The following CDC42BPA variants were observed in gnomAD, a reference collection of about 807,000 sequenced individuals.
CDC42BPA encodes CDC42 binding protein kinase alpha.
CDC42BPA carries 80 observed loss-of-function variants against 223.5 expected under a neutral mutation model. That is an observed-to-expected ratio of 0.36 (90% confidence interval 0.30 to 0.43). CDC42BPA has a LOEUF of 0.43. Among genes scored for constraint, CDC42BPA ranks in the 20% least tolerant of loss-of-function variants. The probability of loss-of-function intolerance (pLI) is 1.00; values close to 1 mark genes in which losing one functional copy is unlikely to be tolerated. For missense variants in CDC42BPA, 1,743 were observed against 2,099.9 expected, an observed-to-expected ratio of 0.83 and a Z score of 3.32; for synonymous variants, 694 against 718.6, an observed-to-expected ratio of 0.97 and a Z score of 0.55.
At chr1:227,056,580 C>A (rs1339412502) in intron 21 of CDC42BPA, among the ~76,000 whole-genome samples, 1 of 151,886 alleles carries the variant, frequency 6.6e-6, no homozygotes, top group Non-Finnish European at 1.5e-5. Flanking sequence ...TTTGTAGAGG[C>A]AGGGTCTCCC....
chr1:227,182,511 A>C (rs2150050960), intron 5 of CDC42BPA, among the ~76,000 whole-genome samples: 1 of 152,352 alleles, frequency 6.6e-6, no homozygotes, highest in Admixed American at 6.5e-5. Flanking sequence ...AAATTGAAAA[A>C]TAGTTCAATG....
chr1:227,120,414 G>C (rs1019760434), intron 11 of CDC42BPA, among the ~76,000 whole-genome samples: 1 of 152,070 alleles, frequency 6.6e-6, no homozygotes, highest in Non-Finnish European at 1.5e-5. Flanking sequence ...GATTTCTAAA[G>C]AGCAAATATC....
At chr1:227,016,243 T>C in intron 33 of CDC42BPA, 46 bp from the exon 34 acceptor site, 1 of 962,354 alleles carries the variant, frequency 1.0e-6, no homozygotes, top group East Asian at 2.4e-5. Flanking sequence ...ACAGTTAATT[T>C]ATGTAGCTTA....
At chr1:227,023,736 G>A (rs533319824) in intron 31 of CDC42BPA, among the ~76,000 whole-genome samples, 21 of 152,172 alleles carry the variant, frequency 1.4e-4, no homozygotes, top group Non-Finnish European at 2.8e-4. Flanking sequence ...GTAGATCACT[G>A]GGGAAAGGAG....
intron 34 of CDC42BPA, among the ~76,000 whole-genome samples, chr1:227,015,704 G>A (rs1666081922): frequency 6.6e-6 from 1 of 151,644 alleles, no homozygotes; most frequent in Non-Finnish European, 1.5e-5. Context: ...AAAAAGAGTA[G>A]GCCAAATATC....
intron 21 of CDC42BPA, among the ~76,000 whole-genome samples, chr1:227,067,546 T>C (rs566176972): frequency 6.6e-6 from 1 of 152,324 alleles, no homozygotes; most frequent in African/African-American, 2.4e-5. Flanking sequence ...AGCAGCAGAT[T>C]ATAACATGCA....
chr1:227,227,256 A>T (rs1441339950), intron 2 of CDC42BPA, among the ~76,000 whole-genome samples: 1 of 152,136 alleles, frequency 6.6e-6, no homozygotes, highest in African/African-American at 2.4e-5. Flanking sequence ...AACAGCTACT[A>T]AAAAAATCTA....
intron 30 of CDC42BPA, among the ~76,000 whole-genome samples, chr1:227,027,577 C>T (rs893757339): frequency 3.9e-5 from 6 of 152,008 alleles, no homozygotes; most frequent in Non-Finnish European, 4.4e-5. Flanking sequence ...AAGTATTTTT[C>T]ATTAAAAACA....
chr1:227,218,726 T>C (rs1336015792), intron 2 of CDC42BPA, among the ~76,000 whole-genome samples: 2 of 152,220 alleles, frequency 1.3e-5, no homozygotes, highest in Non-Finnish European at 2.9e-5. Context: ...CTGATACCTA[T>C]TGACACATGT....
intron 21 of CDC42BPA, among the ~76,000 whole-genome samples, chr1:227,062,253 C>A (rs117137083): frequency 5.9e-5 from 9 of 152,278 alleles, no homozygotes; most frequent in East Asian, 1.9e-4. Context: ...TCCCTCCCCC[C>A]GCAAGTTCGC....
At chr1:227,308,509 C>CAAAA (rs34849679) in intron 1 of CDC42BPA, among the ~76,000 whole-genome samples, 20 of 89,724 alleles carry the variant, frequency 2.2e-4, no homozygotes, top group East Asian at 6.5e-4. Flanking sequence ...GACTGTATCT[C>CAAAA]AAAAAAAAAA....
chr1:227,154,455 GATTT>G (rs1461781309), intron 6 of CDC42BPA, among the ~76,000 whole-genome samples: 4 of 151,846 alleles, frequency 2.6e-5, no homozygotes, highest in African/African-American at 7.2e-5. Flanking sequence ...CGGATTACAT[GATTT>G]ATTATATGAA....
At chr1:227,240,659 A>G (rs1011585616) in intron 2 of CDC42BPA, among the ~76,000 whole-genome samples, 4 of 151,534 alleles carry the variant, frequency 2.6e-5, no homozygotes, top group African/African-American at 9.7e-5. Context: ...CAGCCTTTTC[A>G]ACAAATGGTG....
At chr1:227,017,425 A>G (rs960930549) in intron 32 of CDC42BPA, among the ~76,000 whole-genome samples, 4 of 151,730 alleles carry the variant, frequency 2.6e-5, no homozygotes, top group African/African-American at 9.7e-5. Context: ...GGGTGTTGTT[A>G]AAGAGCTACT....
chr1:227,127,714 G>C (rs1052216291), intron 11 of CDC42BPA, among the ~76,000 whole-genome samples: 1 of 152,136 alleles, frequency 6.6e-6, no homozygotes, highest in Non-Finnish European at 1.5e-5. Flanking sequence ...ACAGAGATTA[G>C]ATATATAGAT....
chr1:227,074,869 T>A lies in CDC42BPA; in HGVS notation c.2481-505A>T, dbSNP rs150636707. ...CTGTTTTCTGAAATGATCAATAAAA[T>A]AACAAAGAGGGAAGATTAAAGTCTA... On this transcript the variant is annotated intron_variant, in intron 17 of 36. Coordinates refer to ENST00000366766, the MANE Select transcript of CDC42BPA (RefSeq NM_001394014.1). Among the ~76,000 whole-genome samples, 910 of 152,264 alleles carry A rather than the reference T, an allele frequency of 6.0e-3. 10 individuals are homozygous for A. Among genetic ancestry groups the A allele is most frequent in the African/African-American group, 0.021 (857 of 41,554 alleles).
intron 22 of CDC42BPA, among the ~76,000 whole-genome samples, chr1:227,049,359 A>G (rs1169463331): frequency 6.6e-6 from 1 of 152,180 alleles, no homozygotes; most frequent in South Asian, 2.1e-4. Flanking sequence ...TAAGGTACCT[A>G]GGAACAAATC....
intron 34 of CDC42BPA, among the ~76,000 whole-genome samples, chr1:227,014,565 A>G (rs1283143913): frequency 8.0e-6 from 1 of 124,658 alleles, no homozygotes; most frequent in Non-Finnish European, 1.8e-5. Flanking sequence ...CTCCCTTTAA[A>G]AGGCGTTTTT....
chr1:227,274,596 A>T (rs1686608052), intron 1 of CDC42BPA, among the ~76,000 whole-genome samples: 1 of 152,198 alleles, frequency 6.6e-6, no homozygotes, highest in South Asian at 2.1e-4. Flanking sequence ...TATTTATAAT[A>T]AATCTAAATG....
Sources: allele counts gnomAD v4.1 joint callset (sites outside exome capture counted in the v4.1 genomes callset), GRCh38; gene constraint gnomAD v4.1.1; transcripts MANE v1.5; gene names NCBI Gene and HGNC (gene_info 2026-07-23, HGNC 2026-07-21).